Variants in PHACTR3 observed in about 807,000 individuals in gnomAD.
PHACTR3 encodes the protein protein phosphatase 1, regulatory subunit 123.
In PHACTR3, 16 loss-of-function variants were observed where a neutral mutation model predicts 66.8. The ratio of observed to expected loss-of-function variants is 0.24; its 90% CI spans 0.16 to 0.36. The LOEUF (loss-of-function observed/expected upper bound fraction) is 0.36. Ranked by LOEUF, PHACTR3 falls within the 10% of genes least tolerant of loss-of-function variation. The pLI is 1.00. For missense variants in PHACTR3, 647 were observed against 719.9 expected (o/e 0.90, Z 1.16); for synonymous variants, 323 against 292.1 (o/e 1.11, Z -1.08).
At chr20:59,756,061 A>G (rs1210638919) in intron 4 of PHACTR3, among the ~76,000 whole-genome samples, 1 of 152,072 alleles carries the variant, frequency 6.6e-6, no homozygotes, top group East Asian at 1.9e-4. Flanking sequence ...GGCTTTGCGT[A>G]GTGGTGGTGG....
At chr20:59,761,733 T>A (rs1418628443) in intron 4 of PHACTR3, among the ~76,000 whole-genome samples, 1 of 152,222 alleles carries the variant, frequency 6.6e-6, no homozygotes, top group Non-Finnish European at 1.5e-5. Flanking sequence ...CAGTGGAACA[T>A]GCTCAGCAAA....
chr20:59,596,185 G>A, intron 1 of PHACTR3, among the ~76,000 whole-genome samples: 1 of 152,130 alleles, frequency 6.6e-6, no homozygotes, highest in Non-Finnish European at 1.5e-5. Context: ...GCCCAGGCTG[G>A]AGTGCAGTGG....
chr20:59,722,108 T>C (rs1232215515), intron 1 of PHACTR3, among the ~76,000 whole-genome samples: 1 of 152,116 alleles, frequency 6.6e-6, no homozygotes, highest in Non-Finnish European at 1.5e-5. Flanking sequence ...GGCGGGCACC[T>C]GTGGTCCCAG....
intron 1 of PHACTR3, among the ~76,000 whole-genome samples, chr20:59,697,449 A>G (rs2037340361): frequency 6.6e-6 from 1 of 152,192 alleles, no homozygotes; most frequent in Non-Finnish European, 1.5e-5. Context: ...GGCCCCTAAC[A>G]AATGTCAAAG....
At chr20:59,797,552 C>G (rs989343276) in intron 7 of PHACTR3, among the ~76,000 whole-genome samples, 1 of 151,992 alleles carries the variant, frequency 6.6e-6, no homozygotes, top group Non-Finnish European at 1.5e-5. Context: ...GCCCTTTGTT[C>G]CAGGTGGGTG....
rs1052901628 is a variant in PHACTR3, at chr20:59,820,605, G to A, written c.1328+14411G>A. 2.6e-5 allele frequency among the ~76,000 whole-genome samples: 4 copies of A among 152,268 alleles called. No individual in the cohort carries two copies. The highest frequency in any genetic ancestry group is 3.4e-3 in the Middle Eastern group (1 of 294). On this transcript the variant is annotated intron_variant, in intron 8 of 12. Transcript: ENST00000371015. This position sits in a 1 kb window ranked among gnomAD's most constrained non-coding sequence, Gnocchi z 4.6. ...ATGCAGGGTACAGGGAGTGGGTCCC[G>A]AGTCCCATCCTGTGCAGGGGAGAGG...
chr20:59,829,882 A>T lies in PHACTR3; in HGVS notation c.1329-6623A>T, dbSNP rs2042301174. Among the ~76,000 whole-genome samples, 1 of 152,004 alleles carries T rather than the reference A, an allele frequency of 6.6e-6. No individual in the cohort carries two copies. ...CTGGGGTGAGATCAAGATTTGGGGG[A>T]TGTGCGTTTAGTGGGGCAGCCTGGC... On this transcript the variant is annotated intron_variant, in intron 8 of 12. Transcript: ENST00000371015. The surrounding 1 kb of genome is among the most constrained non-coding windows in gnomAD (Gnocchi z 4.2).
At position 59,621,342 on chromosome 20, in the gene PHACTR3, C is replaced by G. The variant is rs373477198; in HGVS notation, c.118+16210C>G. Among the ~76,000 whole-genome samples, 8 of 152,248 alleles carry G rather than the reference C, an allele frequency of 5.3e-5. No individual in the cohort carries two copies. In the East Asian group the frequency reaches 1.3e-3, roughly 26 times the overall value. ...GTTGGGGCTTGCCCAGACTCCTGCT[C>G]TTGCCCTGTGGAAGGACCTATGAGT... is the stretch of plus-strand genomic sequence containing the variant. On this transcript the variant is annotated intron_variant, in intron 1 of 12. Transcript: ENST00000371015.
chr20:59,681,032 G>A (rs755716440), intron 1 of PHACTR3, among the ~76,000 whole-genome samples: 1 of 152,246 alleles, frequency 6.6e-6, no homozygotes, highest in Non-Finnish European at 1.5e-5. Flanking sequence ...AATTATGCCA[G>A]TTATTGTTTT....
chr20:59,666,750 T>C (rs2036004974), intron 1 of PHACTR3, among the ~76,000 whole-genome samples: 1 of 152,012 alleles, frequency 6.6e-6, no homozygotes, highest in Non-Finnish European at 1.5e-5. Flanking sequence ...ACATGCAGAC[T>C]GAAGCAGGGG....
At chr20:59,604,485 C>A, upstream of PHACTR3, 1 of 416,010 alleles carries the variant, frequency 2.4e-6, no homozygotes, top group Middle Eastern at 1.2e-3. Context: ...TCCTCTCGCG[C>A]GGCATGATGG....
At chr20:59,818,509 T>G (rs1282131299) in intron 8 of PHACTR3, among the ~76,000 whole-genome samples, 3 of 152,224 alleles carry the variant, frequency 2.0e-5, no homozygotes, top group African/African-American at 7.2e-5. Flanking sequence ...GCTTCCAACA[T>G]ACTCATAGAG....
intron 1 of PHACTR3, among the ~76,000 whole-genome samples, chr20:59,592,258 C>A (rs1044881847): frequency 2.0e-5 from 3 of 152,190 alleles, no homozygotes; most frequent in South Asian, 2.1e-4. Flanking sequence ...TTATTCCACT[C>A]CGGCCTTTGC....
chr20:59,610,860 C>T (rs2033825131), intron 1 of PHACTR3, among the ~76,000 whole-genome samples: 1 of 152,246 alleles, frequency 6.6e-6, no homozygotes, highest in Non-Finnish European at 1.5e-5. Flanking sequence ...GTCTTGAGCT[C>T]TCCTGCGGGA....
At chr20:59,775,589 G>T (rs1254373370) in intron 7 of PHACTR3, among the ~76,000 whole-genome samples, 1 of 152,164 alleles carries the variant, frequency 6.6e-6, no homozygotes, top group Non-Finnish European at 1.5e-5. Flanking sequence ...TGAAAGGGGT[G>T]GGGGTGCTGT....
intron 1 of PHACTR3, among the ~76,000 whole-genome samples, chr20:59,677,521 C>A (rs919927789): frequency 2.0e-5 from 3 of 152,154 alleles, no homozygotes; most frequent in African/African-American, 7.2e-5. Context: ...TAATATGGGT[C>A]ATGGTTAAGT....
At chr20:59,635,221 CTTCT>C (rs1555881205) in intron 1 of PHACTR3, among the ~76,000 whole-genome samples, 3 of 67,348 alleles carry the variant, frequency 4.5e-5, no homozygotes, top group Non-Finnish European at 9.7e-5. Flanking sequence ...TCCTTCCTTC[CTTCT>C]TTCTTTCTTT....
chr20:59,708,515 G>A (rs924493409), intron 1 of PHACTR3, among the ~76,000 whole-genome samples: 1 of 152,156 alleles, frequency 6.6e-6, no homozygotes, highest in Non-Finnish European at 1.5e-5. Flanking sequence ...GTGCAGGCCT[G>A]GGTTCTACAG....
rs555466468 is a variant in PHACTR3, at chr20:59,607,430, G to A, written c.118+2298G>A. On this transcript the variant is annotated intron_variant, in intron 1 of 12. Transcript: ENST00000371015. ...AAATTGAACCTGAAGCTCCAGCTGT[G>A]GAATAACCTCACACAGAGTTAAGAA... 3.3e-5 allele frequency among the ~76,000 whole-genome samples: 5 copies of A among 152,284 alleles called. No individual in the cohort carries two copies. In the East Asian group the frequency reaches 7.7e-4, roughly 24 times the overall value.
Sources: allele counts gnomAD v4.1 joint callset (sites outside exome capture counted in the v4.1 genomes callset), GRCh38; gene constraint gnomAD v4.1.1; non-coding constraint Gnocchi (gnomAD v3.1); transcripts MANE v1.5; gene names NCBI Gene and HGNC (gene_info 2026-07-23, HGNC 2026-07-21).